The following IL20RB variants were observed in gnomAD, a reference collection of about 807,000 sequenced individuals.
The protein encoded by IL20RB is interleukin-20 receptor subunit beta.
A neutral mutation model predicts 33.3 loss-of-function variants in IL20RB; 21 were observed. That is an observed-to-expected ratio of 0.63 (90% CI 0.45 to 0.91). The LOEUF is 0.91. Among genes scored for constraint, IL20RB ranks in the 40% least tolerant of loss-of-function variants. The pLI is 0.00. For synonymous variants in IL20RB, 147 were observed against 146.8 expected, an observed-to-expected ratio of 1.00 and a Z score of -0.01; for missense variants, 345 against 384.8, an observed-to-expected ratio of 0.90 and a Z score of 0.86.
At chr3:136,998,282 T>C (rs1942175530) in intron 6 of IL20RB, among the ~76,000 whole-genome samples, 1 of 152,016 alleles carries the variant, frequency 6.6e-6, no homozygotes, top group Admixed American at 6.5e-5. Context: ...TACATATTCT[T>C]AACTTTTCAC....
intron 6 of IL20RB, among the ~76,000 whole-genome samples, chr3:137,008,385 T>A (rs1002024782): frequency 1.3e-5 from 2 of 152,214 alleles, no homozygotes; most frequent in Admixed American, 6.5e-5. Context: ...GACAGCAGGT[T>A]GCTACCAAGA....
intron 6 of IL20RB, among the ~76,000 whole-genome samples, chr3:136,998,969 CA>C (rs1232355514): frequency 6.6e-6 from 1 of 152,114 alleles, no homozygotes; most frequent in Non-Finnish European, 1.5e-5. Flanking sequence ...TGGCTTTCAC[CA>C]GTTAAATTAT....
At chr3:136,974,806 A>G (rs1006079123) in intron 1 of IL20RB, among the ~76,000 whole-genome samples, 2 of 152,182 alleles carry the variant, frequency 1.3e-5, no homozygotes, top group Non-Finnish European at 2.9e-5. Flanking sequence ...GCTTTTGCTC[A>G]TTCTTTTTAA....
chr3:136,993,195 T>C (rs1942065347), intron 5 of IL20RB, among the ~76,000 whole-genome samples: 1 of 152,174 alleles, frequency 6.6e-6, no homozygotes, highest in Non-Finnish European at 1.5e-5. Flanking sequence ...AGACCTCGTC[T>C]CATTTTAATA....
chr3:136,996,821 C>CT (rs1460784418), intron 6 of IL20RB, among the ~76,000 whole-genome samples: 3 of 152,156 alleles, frequency 2.0e-5, no homozygotes, highest in African/African-American at 7.2e-5. Flanking sequence ...TGGCTTACTG[C>CT]TATGCATAAA....
At chr3:136,995,348 G>C in intron 5 of IL20RB, 66 bp from the exon 6 acceptor site, 1 of 1,573,516 alleles carries the variant, frequency 6.4e-7, no homozygotes, top group Non-Finnish European at 8.7e-7. Flanking sequence ...AACCGGGGGA[G>C]GCTCAGGATT....
intron 5 of IL20RB, among the ~76,000 whole-genome samples, chr3:136,992,662 G>T (rs907373269): frequency 2.4e-4 from 37 of 152,226 alleles, no homozygotes; most frequent in African/African-American, 7.0e-4. Flanking sequence ...TTACATTTTT[G>T]TGTATAGCCT....
At chr3:136,975,434 G>T (rs1941591498) in intron 1 of IL20RB, among the ~76,000 whole-genome samples, 2 of 152,138 alleles carry the variant, frequency 1.3e-5, no homozygotes, top group Admixed American at 6.5e-5. Context: ...TGCCTTCCGG[G>T]TTCAAGCAAT....
intron 1 of IL20RB, among the ~76,000 whole-genome samples, chr3:136,976,882 A>G (rs1418152757): frequency 6.6e-6 from 1 of 152,028 alleles, no homozygotes; most frequent in Admixed American, 6.6e-5. Flanking sequence ...GCAGCTCCCT[A>G]TGTATGTTTT....
intron 3 of IL20RB, among the ~76,000 whole-genome samples, chr3:136,988,459 G>T (rs1398683261): frequency 6.6e-6 from 1 of 152,168 alleles, no homozygotes; most frequent in East Asian, 1.9e-4. Flanking sequence ...AAGCCTGTGG[G>T]CTGGGCACAT....
intron 6 of IL20RB, among the ~76,000 whole-genome samples, chr3:136,995,996 T>C (rs1942119866): frequency 6.6e-6 from 1 of 152,012 alleles, no homozygotes; most frequent in Non-Finnish European, 1.5e-5. Context: ...GTTCTCAGAG[T>C]GAAGAAGATG....
intron 1 of IL20RB, among the ~76,000 whole-genome samples, chr3:136,969,899 G>T (rs1483943752): frequency 6.6e-6 from 1 of 151,850 alleles, no homozygotes. Context: ...TGCTTTTGGT[G>T]TCACATCTAA....
intron 1 of IL20RB, chr3:136,980,198 A>C (rs1941732523): frequency 2.1e-6 from 1 of 475,546 alleles, no homozygotes. Context: ...TCATTTATCA[A>C]CAAAGTCAGA....
At chr3:136,986,146 G>T (rs1026714715) in intron 3 of IL20RB, among the ~76,000 whole-genome samples, 1 of 151,986 alleles carries the variant, frequency 6.6e-6, no homozygotes, top group East Asian at 1.9e-4. Flanking sequence ...CTGGGAGGCG[G>T]AGCTTGCAGT....
chr3:136,978,661 T>C (rs1941688110), intron 1 of IL20RB, among the ~76,000 whole-genome samples: 1 of 152,218 alleles, frequency 6.6e-6, no homozygotes, highest in Non-Finnish European at 1.5e-5. Flanking sequence ...TTTTTGTACA[T>C]TACTGAATTT....
At chr3:136,987,648 A>T (rs935873900) in intron 3 of IL20RB, among the ~76,000 whole-genome samples, 1 of 152,128 alleles carries the variant, frequency 6.6e-6, no homozygotes, top group African/African-American at 2.4e-5. Flanking sequence ...GGTGGCGCTC[A>T]TCGGGGAGGC....
chr3:136,991,471 A>C (rs1480586727), intron 4 of IL20RB, among the ~76,000 whole-genome samples: 2 of 152,226 alleles, frequency 1.3e-5, no homozygotes, highest in Non-Finnish European at 2.9e-5. Context: ...ATATGATTGA[A>C]TGAATGAGTG....
intron 6 of IL20RB, among the ~76,000 whole-genome samples, chr3:136,997,584 T>C (rs1042166836): frequency 1.3e-5 from 2 of 151,464 alleles, no homozygotes; most frequent in African/African-American, 4.9e-5. Context: ...TCTTTTTTTT[T>C]TTTTTGCTCA....
chr3:136,982,637 G>A (rs1253110658), intron 3 of IL20RB, among the ~76,000 whole-genome samples: 1 of 152,162 alleles, frequency 6.6e-6, no homozygotes, highest in Non-Finnish European at 1.5e-5. Flanking sequence ...AGCTGCTCTG[G>A]AAGTGAAGAG....
Sources: gnomAD v4.1 joint callset for allele counts (sites outside exome capture counted in the v4.1 genomes callset) on GRCh38, gnomAD v4.1.1 for gene constraint, MANE v1.5 for transcripts, NCBI Gene and HGNC (gene_info 2026-07-23, HGNC 2026-07-21) for gene names.